PPP6R3: variants seen among roughly 807,000 people sequenced by gnomAD.
PPP6R3 encodes the protein serine/threonine-protein phosphatase 6 regulatory subunit 3.
Under a neutral mutation model 110.7 loss-of-function variants are expected in PPP6R3, and 38 were observed. The observed-to-expected ratio is 0.34, with a 90% CI of 0.26 to 0.45. The LOEUF (loss-of-function observed/expected upper bound fraction) is 0.45, where lower values mean the gene tolerates loss of function less well. Among genes scored for constraint, PPP6R3 ranks in the 20% least tolerant of loss-of-function variants. The pLI, the probability that PPP6R3 is intolerant of heterozygous loss-of-function variation, is 1.00. For synonymous variants in PPP6R3, 369 were observed against 373.5 expected, an observed-to-expected ratio of 0.99 and a Z score of 0.14; for missense variants, 870 against 1,062.4, an observed-to-expected ratio of 0.82 and a Z score of 2.52.
chr11:68,569,859 G>C lies in PPP6R3; in HGVS notation c.1240G>C (p.Asp414His). The C allele has an allele frequency of 6.2e-7, 1 of 1,611,802 alleles. No individual in the cohort carries two copies. Among genetic ancestry groups the C allele is most frequent in the Non-Finnish European group, 8.5e-7 (1 of 1,178,596 alleles). The change falls in exon 11 of 24, where the codon GAT becomes CAT. Residue 414 changes from aspartate (D) to histidine (H), a missense_variant. Coordinates refer to ENST00000393800, the MANE Select transcript of PPP6R3 (RefSeq NM_001164161.2). ...FENTENATIT[D>H]QDSTGDNLLL... is the part of the protein sequence containing the mutation. The stretch of plus-strand genomic sequence containing the variant: ...AAACACAGAAAATGCCACAATTACC[G>C]ATCAAGACTCCACTGGTGATAATTT...
At chr11:68,517,193 CT>C (rs1202724134) in intron 1 of PPP6R3, among the ~76,000 whole-genome samples, 6 of 150,636 alleles carry the variant, frequency 4.0e-5, no homozygotes, top group Admixed American at 4.0e-4. Flanking sequence ...ATTTTCTTTC[CT>C]GTTTTCTGAT....
intron 2 of PPP6R3, among the ~76,000 whole-genome samples, chr11:68,524,278 T>G (rs1216649907): frequency 2.6e-5 from 4 of 152,182 alleles, no homozygotes; most frequent in Non-Finnish European, 1.5e-5. Context: ...ACAAGACAGG[T>G]CTTCTCTTCT....
intron 1 of PPP6R3, among the ~76,000 whole-genome samples, chr11:68,465,659 G>C (rs1237639394): frequency 6.6e-6 from 1 of 152,178 alleles, no homozygotes; most frequent in Non-Finnish European, 1.5e-5. Flanking sequence ...TACTCTGCTA[G>C]GAACTGTATT....
chr11:68,540,875 G>A (rs1042065712), intron 3 of PPP6R3, among the ~76,000 whole-genome samples: 1 of 152,122 alleles, frequency 6.6e-6, no homozygotes, highest in African/African-American at 2.4e-5. Context: ...CCTGAACATC[G>A]CTGCTATCCT....
In PPP6R3 at chr11:68,484,180, C is replaced by A. The variant is rs542649381; in HGVS notation, c.-158+23353C>A. On this transcript the variant is annotated intron_variant, in intron 1 of 23. Transcript: ENST00000393800. ...TGTGGATAAAGATGCTGTAAATATC[C>A]GTGTGCAGGTTTTTGTGTGGACGTA... is the stretch of plus-strand genomic sequence containing the variant. Among the ~76,000 whole-genome samples, 8 of 152,252 alleles carry A rather than the reference C, an allele frequency of 5.3e-5. No individual in the cohort carries two copies. In the South Asian group the frequency reaches 1.7e-3, roughly 32 times the overall value.
chr11:68,474,141 C>A (rs2153276097), intron 1 of PPP6R3, among the ~76,000 whole-genome samples: 1 of 151,382 alleles, frequency 6.6e-6, no homozygotes, highest in African/African-American at 2.4e-5. Context: ...AACTCCTGGG[C>A]TCAAGGAATC....
chr11:68,590,531 GTT>G, intron 16 of PPP6R3, 127 bp from the exon 17 acceptor site: 1 of 1,063,098 alleles, frequency 9.4e-7, no homozygotes, highest in South Asian at 2.3e-5. Flanking sequence ...GGTTGTTTCT[GTT>G]TGTTTTTTAT....
chr11:68,598,505 A>G (rs2099620909), intron 19 of PPP6R3, among the ~76,000 whole-genome samples: 1 of 152,158 alleles, frequency 6.6e-6, no homozygotes, highest in African/African-American at 2.4e-5. Flanking sequence ...TTCCTTGGGA[A>G]AGACAGCTTT....
At chr11:68,523,908 C>G (rs2099180512) in intron 2 of PPP6R3, among the ~76,000 whole-genome samples, 1 of 151,922 alleles carries the variant, frequency 6.6e-6, no homozygotes, top group Admixed American at 6.6e-5. Flanking sequence ...ACTAGAGTTT[C>G]CAGAGCAGTG....
intron 10 of PPP6R3, among the ~76,000 whole-genome samples, chr11:68,568,040 T>A (rs748935139): frequency 4.6e-5 from 7 of 152,154 alleles, no homozygotes; most frequent in Admixed American, 6.5e-5. Flanking sequence ...TTCACCCAAT[T>A]TCAAACCCAT....
chr11:68,487,926 C>T (rs1466194012), intron 1 of PPP6R3, among the ~76,000 whole-genome samples: 1 of 152,136 alleles, frequency 6.6e-6, no homozygotes, highest in Non-Finnish European at 1.5e-5. Context: ...TGATTTTCTA[C>T]CTGCTGGATT....
intron 22 of PPP6R3, among the ~76,000 whole-genome samples, chr11:68,609,310 G>A (rs1466999709): frequency 1.3e-5 from 2 of 152,176 alleles, no homozygotes; most frequent in African/African-American, 4.8e-5. Context: ...CACATTGTTC[G>A]AGGGCAACTC....
Position 68,545,020 on chromosome 11 carries a change from AAC to A in PPP6R3, c.412_413del (p.Gln138AspfsTer10). 1 of 1,595,362 alleles carries A rather than the reference AAC, an allele frequency of 6.3e-7. No individual in the cohort carries two copies. Among genetic ancestry groups the A allele is most frequent in the Non-Finnish European group, 8.6e-7 (1 of 1,163,440 alleles). On this transcript the variant is annotated frameshift_variant and splice_region_variant, in exon 4 of 24. Transcript: ENST00000393800. LOFTEE classifies it high-confidence loss of function. ...AGTATTCTTATCAGCAGAAAACCAG[AAC>A]AGGTAAATATGATTTTCCAAAAGGT...
intron 6 of PPP6R3, among the ~76,000 whole-genome samples, chr11:68,553,617 A>G (rs1479741727): frequency 6.6e-6 from 1 of 152,104 alleles, no homozygotes; most frequent in Non-Finnish European, 1.5e-5. Flanking sequence ...TTTTAATTCA[A>G]AAAAAGTATG....
chr11:68,514,802 C>G (rs2099127950), intron 1 of PPP6R3, among the ~76,000 whole-genome samples: 1 of 152,118 alleles, frequency 6.6e-6, no homozygotes, highest in East Asian at 1.9e-4. Flanking sequence ...CCAGGCTGGT[C>G]TTGAACTCCT....
chr11:68,565,409 C>T (rs1228706607), intron 9 of PPP6R3, among the ~76,000 whole-genome samples: 4 of 151,758 alleles, frequency 2.6e-5, no homozygotes, highest in African/African-American at 9.7e-5. Context: ...TGGATGTGGA[C>T]CATAGTGTTG....
chr11:68,554,873 G>A (rs1451961973), intron 7 of PPP6R3, among the ~76,000 whole-genome samples: 1 of 152,192 alleles, frequency 6.6e-6, no homozygotes, highest in Non-Finnish European at 1.5e-5. Context: ...CATACAGCTA[G>A]CATTGTTAAG....
At chr11:68,567,338 A>G (rs565984658) in intron 10 of PPP6R3, among the ~76,000 whole-genome samples, 172 bp downstream of exon 10, 2 of 152,222 alleles carry the variant, frequency 1.3e-5, no homozygotes, top group South Asian at 2.1e-4. Context: ...TCGAATGCTT[A>G]TAATTGTTCA....
At chr11:68,607,777 GA>G (rs1158242056) in intron 22 of PPP6R3, among the ~76,000 whole-genome samples, 1 of 151,598 alleles carries the variant, frequency 6.6e-6, no homozygotes, top group Non-Finnish European at 1.5e-5. Flanking sequence ...ATCTAATCTA[GA>G]TTTTTTTTTT....
Sources: allele counts gnomAD v4.1 joint callset (sites outside exome capture counted in the v4.1 genomes callset), GRCh38; gene constraint gnomAD v4.1.1; transcripts MANE v1.5; gene names NCBI Gene and HGNC (gene_info 2026-07-23, HGNC 2026-07-21).